The following ZNF469 variants were observed in gnomAD, a reference collection of about 807,000 sequenced individuals.
ZNF469 encodes zinc finger protein 469.
Under a neutral mutation model 1.0 loss-of-function variants are expected in ZNF469, and 1 was observed. The observed-to-expected ratio is 1.00, with a 90% CI of 0.35 to 4.73. The LOEUF (loss-of-function observed/expected upper bound fraction) is 4.73. Among genes scored for constraint, ZNF469 ranks in the 30% most tolerant of loss-of-function variants. The probability of loss-of-function intolerance (pLI) is 0.16; values close to 1 mark genes in which losing one functional copy is unlikely to be tolerated. For synonymous variants in ZNF469, 2,703 were observed against 2,363.4 expected (o/e 1.14, Z -4.17); for missense variants, 6,100 against 5,356.3 (o/e 1.14, Z -4.33).
chr16:88,384,461 A>C (rs1459820206), intron 1 of ZNF469, among the ~76,000 whole-genome samples: 1 of 152,186 alleles, frequency 6.6e-6, no homozygotes, highest in African/African-American at 2.4e-5. Context: ...GGAGCTCGGA[A>C]GCTGGGGCGG....
chr16:88,351,769 A>G, the ZNF469 span, among the ~76,000 whole-genome samples: 345 of 148,836 alleles, frequency 2.3e-3, 1 homozygote, highest in Non-Finnish European at 3.9e-3. Context: ...GCGGGGCTCC[A>G]GGGTTTGAGG....
chr16:88,392,534 G>T (rs1452163917), intron 1 of ZNF469, among the ~76,000 whole-genome samples: 1 of 152,246 alleles, frequency 6.6e-6, no homozygotes, highest in Non-Finnish European at 1.5e-5. Flanking sequence ...TCGGGGGCTG[G>T]TTAAGCCACA....
Position 88,429,431 on chromosome 16 carries a change from C to T in ZNF469, c.1961C>T (p.Pro654Leu), listed in dbSNP as rs754019937. Residue 654 changes from proline to leucine, a missense_variant, in exon 3 of 3, where the codon CCC becomes CTC. Pro to Leu is a moderately conservative substitution (Grantham distance 98). Coordinates refer to ENST00000565624, the MANE Select transcript of ZNF469 (RefSeq NM_001367624.2). Reference sequence around the variant, plus strand: ...AGCCCCTTCCCGTCCCCGGAGCCCCCCCACTCCCTCCCCACCCACTACCAG... The same window carrying T: ...AGCCCCTTCCCGTCCCCGGAGCCCCTCCACTCCCTCCCCACCCACTACCAG... ...TGSPFPSPEPPHSLPTHYQPE... is the reference protein window; with the variant it reads ...TGSPFPSPEPLHSLPTHYQPE... 3 of 1,542,858 alleles carry T rather than the reference C, an allele frequency of 1.9e-6. No homozygotes were observed. The South Asian group carries it at 3.6e-5, about 18-fold the overall frequency.
At chr16:88,186,782 C>G in the ZNF469 span, among the ~76,000 whole-genome samples, 2 of 152,226 alleles carry the variant, frequency 1.3e-5, no homozygotes, top group Non-Finnish European at 2.9e-5. Flanking sequence ...ACACGGCTCT[C>G]GCTGGGAGGG....
At chr16:88,186,821 G>A in the ZNF469 span, among the ~76,000 whole-genome samples, 1 of 152,202 alleles carries the variant, frequency 6.6e-6, no homozygotes, top group Non-Finnish European at 1.5e-5. Flanking sequence ...TGGCGGGGCG[G>A]GGGGATGCGG....
chr16:88,366,412 AC>A, the ZNF469 span, among the ~76,000 whole-genome samples: 1 of 151,458 alleles, frequency 6.6e-6, no homozygotes, highest in South Asian at 2.1e-4. Context: ...CTTCACCAAC[AC>A]CACCATCATC....
At chr16:88,135,443 G>A in the ZNF469 span, among the ~76,000 whole-genome samples, 1 of 152,240 alleles carries the variant, frequency 6.6e-6, no homozygotes, top group East Asian at 1.9e-4. Flanking sequence ...GGTTGGCCAG[G>A]GTCGATCTGG....
the ZNF469 span, among the ~76,000 whole-genome samples, chr16:88,163,948 G>A: frequency 2.6e-5 from 4 of 151,234 alleles, no homozygotes; most frequent in Non-Finnish European, 4.4e-5. Context: ...GGCTGGGTGG[G>A]TGGCTGGATG....
At chr16:88,416,316 G>C (rs930091754) in intron 1 of ZNF469, among the ~76,000 whole-genome samples, 1 of 152,180 alleles carries the variant, frequency 6.6e-6, no homozygotes, top group Non-Finnish European at 1.5e-5. Flanking sequence ...CGGCACAGGG[G>C]AATCCAGGTG....
chr16:88,120,525 G>T, the ZNF469 span, among the ~76,000 whole-genome samples: 1 of 152,252 alleles, frequency 6.6e-6, no homozygotes, highest in African/African-American at 2.4e-5. Flanking sequence ...CCTGGACTGG[G>T]CAGTTGCAGG....
At chr16:88,259,942 TAGAATAAAA>T in the ZNF469 span, among the ~76,000 whole-genome samples, 3 of 152,252 alleles carry the variant, frequency 2.0e-5, no homozygotes, top group Non-Finnish European at 2.9e-5. This position sits in a 1 kb window ranked among gnomAD's most constrained non-coding sequence, Gnocchi z 4.1. Flanking sequence ...AAAACTGTTT[TAGAATAAAA>T]AGATAAAAAG....
the ZNF469 span, among the ~76,000 whole-genome samples, chr16:88,201,209 C>T: frequency 6.6e-6 from 1 of 152,248 alleles, no homozygotes; most frequent in African/African-American, 2.4e-5. The surrounding 1 kb of genome is among the most constrained non-coding windows in gnomAD (Gnocchi z 5.0). Flanking sequence ...GAATGCAGTT[C>T]ACTGTAGTTC....
the ZNF469 span, among the ~76,000 whole-genome samples, chr16:88,225,776 C>A: frequency 2.6e-5 from 4 of 152,314 alleles, no homozygotes; most frequent in East Asian, 3.9e-4. Context: ...GAAGGGGCCT[C>A]CCCACACACG....
the ZNF469 span, among the ~76,000 whole-genome samples, chr16:88,299,493 G>C: frequency 1.3e-5 from 2 of 152,188 alleles, no homozygotes; most frequent in Non-Finnish European, 2.9e-5. Context: ...CCAGGAGCCA[G>C]ACAGGAAGGA....
chr16:88,342,441 T>A, the ZNF469 span, among the ~76,000 whole-genome samples: 1 of 151,974 alleles, frequency 6.6e-6, no homozygotes, highest in African/African-American at 2.4e-5. Context: ...CCTCCTCAGC[T>A]CCCCACTCCA....
the ZNF469 span, among the ~76,000 whole-genome samples, chr16:88,126,188 CAAA>C: frequency 5.1e-5 from 3 of 59,052 alleles, no homozygotes; most frequent in African/African-American, 6.7e-5. Flanking sequence ...GACTCCATCC[CAAA>C]AAAAAAAAAA....
chr16:88,382,469 G>A (rs1210901905), upstream of ZNF469, among the ~76,000 whole-genome samples: 1 of 152,174 alleles, frequency 6.6e-6, no homozygotes, highest in African/African-American at 2.4e-5. Context: ...GAAGGTCTGG[G>A]GGCAATGTTA....
chr16:88,406,483 C>A (rs974607174), intron 1 of ZNF469, among the ~76,000 whole-genome samples: 1 of 152,364 alleles, frequency 6.6e-6, no homozygotes, highest in Non-Finnish European at 1.5e-5. Context: ...TCCAGGTAGC[C>A]TGCGCCTGCC....
the ZNF469 span, among the ~76,000 whole-genome samples, chr16:88,116,082 C>T: frequency 5.3e-5 from 8 of 152,144 alleles, no homozygotes; most frequent in South Asian, 4.1e-4. Context: ...CACACATGCC[C>T]GACTAGAGCC....
Sources: allele counts gnomAD v4.1 joint callset (sites outside exome capture counted in the v4.1 genomes callset), GRCh38; gene constraint gnomAD v4.1.1; non-coding constraint Gnocchi (gnomAD v3.1); transcripts MANE v1.5; gene names NCBI Gene and HGNC (gene_info 2026-07-23, HGNC 2026-07-21).